TAFA2: variants seen among roughly 807,000 people sequenced by gnomAD.
TAFA2 encodes the protein chemokine-like protein TAFA-2.
A neutral mutation model predicts 18.8 loss-of-function variants in TAFA2; 7 were observed. The observed-to-expected ratio is 0.37, with a 90% CI of 0.21 to 0.70. The LOEUF is 0.70. TAFA2 is among the 30% of genes least tolerant of loss of function. TAFA2 has a pLI of 0.53. For missense variants in TAFA2, 122 were observed against 158.1 expected, an observed-to-expected ratio of 0.77 and a Z score of 1.23; for synonymous variants, 60 against 54.2, an observed-to-expected ratio of 1.11 and a Z score of -0.47.
intron 1 of TAFA2, among the ~76,000 whole-genome samples, chr12:62,245,698 TTA>T (rs1338446388): frequency 6.8e-6 from 1 of 147,196 alleles, no homozygotes; most frequent in East Asian, 1.9e-4. Context: ...AATGTAATTT[TTA>T]TATATTTATA....
chr12:62,019,462 C>T (rs1389445094), intron 1 of TAFA2, among the ~76,000 whole-genome samples: 2 of 148,070 alleles, frequency 1.4e-5, no homozygotes, highest in East Asian at 2.0e-4. Flanking sequence ...AAATGTGGCA[C>T]ATATACACCA....
At chr12:61,904,501 C>T (rs1003508973) in intron 1 of TAFA2, among the ~76,000 whole-genome samples, 14 of 152,030 alleles carry the variant, frequency 9.2e-5, no homozygotes, top group Non-Finnish European at 1.5e-5. Context: ...TGCTAGGGCT[C>T]TAAAAATAAA....
chr12:61,872,334 C>A (rs1029233897), intron 1 of TAFA2, among the ~76,000 whole-genome samples: 17 of 151,964 alleles, frequency 1.1e-4, no homozygotes, highest in African/African-American at 2.9e-4. Context: ...TAGGAAAATT[C>A]TTTACATTGA....
At chr12:61,880,807 C>A in intron 1 of TAFA2, 1 of 325,098 alleles carries the variant, frequency 3.1e-6, no homozygotes, top group Non-Finnish European at 6.0e-6. Flanking sequence ...CTACTCCCCC[C>A]TGCAGCTGCC....
At chr12:61,977,034 T>C (rs190377909) in intron 1 of TAFA2, among the ~76,000 whole-genome samples, 7 of 152,240 alleles carry the variant, frequency 4.6e-5, no homozygotes, top group African/African-American at 7.2e-5. Context: ...TTTGGGTATA[T>C]ACCCAGTAAT....
intron 1 of TAFA2, among the ~76,000 whole-genome samples, chr12:62,149,477 TCTAA>T (rs1388631243): frequency 6.6e-6 from 1 of 151,626 alleles, no homozygotes; most frequent in African/African-American, 2.4e-5. Context: ...ATATCAGGCT[TCTAA>T]CTAAGATTTT....
At chr12:62,127,844 G>T (rs529230155) in intron 1 of TAFA2, among the ~76,000 whole-genome samples, 1 of 152,084 alleles carries the variant, frequency 6.6e-6, no homozygotes, top group Admixed American at 6.6e-5. Flanking sequence ...CTGTAAAAAT[G>T]GAAAGATTTA....
chr12:62,107,678 T>C (rs961228718), intron 1 of TAFA2, among the ~76,000 whole-genome samples: 3 of 152,182 alleles, frequency 2.0e-5, no homozygotes, highest in Non-Finnish European at 4.4e-5. Flanking sequence ...AACTCTTCTG[T>C]GTTCATTTTT....
chr12:62,245,363 T>C (rs2062880064), intron 1 of TAFA2, among the ~76,000 whole-genome samples: 1 of 151,932 alleles, frequency 6.6e-6, no homozygotes. Context: ...CACAATATTT[T>C]ACTTAATAGA....
chr12:61,967,111 T>A (rs1879093800), intron 1 of TAFA2, among the ~76,000 whole-genome samples: 2 of 151,898 alleles, frequency 1.3e-5, no homozygotes, highest in Admixed American at 1.3e-4. Flanking sequence ...GTCCTGATCT[T>A]TGCTTGTGGG....
chr12:62,055,827 T>A (rs1882174228), intron 1 of TAFA2, among the ~76,000 whole-genome samples: 1 of 152,200 alleles, frequency 6.6e-6, no homozygotes, highest in African/African-American at 2.4e-5. Context: ...AAAGTATCTT[T>A]TCATAAAGTA....
intron 2 of TAFA2, among the ~76,000 whole-genome samples, chr12:61,767,511 T>C (rs1869841633): frequency 2.0e-5 from 3 of 152,134 alleles, no homozygotes; most frequent in Non-Finnish European, 4.4e-5. Flanking sequence ...TGGTATGCTT[T>C]GAAGCCAGCA....
At chr12:62,257,355 T>C (rs1244681931) in intron 1 of TAFA2, among the ~76,000 whole-genome samples, 1 of 152,132 alleles carries the variant, frequency 6.6e-6, no homozygotes, top group South Asian at 2.1e-4. Context: ...GTGCTTTTTT[T>C]CTCTGGTTCA....
chr12:61,920,530 C>T, intron 1 of TAFA2, among the ~76,000 whole-genome samples: 1 of 152,174 alleles, frequency 6.6e-6, no homozygotes, highest in East Asian at 1.9e-4. Flanking sequence ...AAGCCTAAAA[C>T]CCTTTTCCTT....
At chr12:61,721,333 T>C (rs1396564849) in intron 4 of TAFA2, among the ~76,000 whole-genome samples, 26 of 152,154 alleles carry the variant, frequency 1.7e-4, no homozygotes. Flanking sequence ...GTAGAAACAA[T>C]ATTAGGTAGT....
intron 2 of TAFA2, among the ~76,000 whole-genome samples, chr12:61,783,345 T>G (rs1290712941): frequency 4.0e-5 from 6 of 151,698 alleles, no homozygotes; most frequent in African/African-American, 1.4e-4. Flanking sequence ...TGACTTCACA[T>G]GTCTAATTAT....
chr12:62,217,648 C>T (rs1482484212), intron 1 of TAFA2, among the ~76,000 whole-genome samples: 1 of 152,188 alleles, frequency 6.6e-6, no homozygotes, highest in African/African-American at 2.4e-5. Flanking sequence ...TAGGCCAACT[C>T]TGAAGGGCCA....
intron 1 of TAFA2, among the ~76,000 whole-genome samples, chr12:61,996,058 T>C (rs1880176956): frequency 6.6e-6 from 1 of 152,108 alleles, no homozygotes; most frequent in Non-Finnish European, 1.5e-5. Flanking sequence ...AAGAAATATT[T>C]AGTAGCACAC....
At chr12:61,795,409 G>A (rs1871150202) in intron 2 of TAFA2, among the ~76,000 whole-genome samples, 1 of 152,062 alleles carries the variant, frequency 6.6e-6, no homozygotes, top group East Asian at 1.9e-4. Context: ...CATAAAAAAG[G>A]ATGAGTTCAT....
Sources: gnomAD v4.1 joint callset for allele counts (sites outside exome capture counted in the v4.1 genomes callset) on GRCh38, gnomAD v4.1.1 for gene constraint, MANE v1.5 for transcripts, NCBI Gene and HGNC (gene_info 2026-07-23, HGNC 2026-07-21) for gene names.